The following KCNH7 variants were observed in gnomAD, a reference collection of about 807,000 sequenced individuals.
KCNH7 encodes the protein potassium voltage-gated channel subfamily H member 7, also known as voltage-gated inwardly rectifying potassium channel KCNH7.
A neutral mutation model predicts 120.8 loss-of-function variants in KCNH7; 49 were observed. The ratio of observed to expected loss-of-function variants is 0.41; its 90% CI spans 0.32 to 0.51. The LOEUF (loss-of-function observed/expected upper bound fraction) is 0.51. Ranked by LOEUF, KCNH7 falls within the 20% of genes least tolerant of loss-of-function variation. The probability of loss-of-function intolerance (pLI) is 0.38; values close to 1 mark genes in which losing one functional copy is unlikely to be tolerated. For missense variants in KCNH7, 1,097 were observed against 1,446.6 expected (o/e 0.76, Z 3.92); for synonymous variants, 547 against 516.1 (o/e 1.06, Z -0.81).
At chr2:162,563,499 C>T (rs748826031) in intron 2 of KCNH7, among the ~76,000 whole-genome samples, 1 of 151,896 alleles carries the variant, frequency 6.6e-6, no homozygotes, top group Non-Finnish European at 1.5e-5. Context: ...TATTCTTTTT[C>T]TAGCTTATAA....
intron 2 of KCNH7, among the ~76,000 whole-genome samples, chr2:162,793,180 G>A (rs12692659): frequency 0.54 from 81,894 of 151,666 alleles, 25,355 homozygotes; most frequent in Non-Finnish European, 0.7. Context: ...ATTATCCTTA[G>A]CAAACTAGCA....
chr2:162,394,500 C>G lies in KCNH7; in HGVS notation c.2614-15G>C. 1 of 1,424,724 alleles carries G rather than the reference C, an allele frequency of 7.0e-7. No individual in the cohort carries two copies. Among genetic ancestry groups the G allele is most frequent in the Non-Finnish European group, 9.9e-7 (1 of 1,012,494 alleles). 88.3% of individuals were successfully genotyped at this position (1,424,724 alleles called of 1,614,324 possible). A position where few individuals can be genotyped will look rare whatever the true frequency, so the allele number is the denominator to read the frequency against. ...AGGAGATCAGCCTTTGTTAATGGAA[C>G]ATGAAGATAAAATGAAAGATTACTG... On this transcript the variant is annotated splice_polypyrimidine_tract_variant and intron_variant, in intron 11 of 15. Transcript: ENST00000332142.
At chr2:162,643,804 C>CAAAAAAAAAAAAAAAAAAAAAAA (rs781089376) in intron 2 of KCNH7, among the ~76,000 whole-genome samples, 1 of 90,436 alleles carries the variant, frequency 1.1e-5, no homozygotes, top group Non-Finnish European at 2.1e-5. Context: ...GACTCTATCT[C>CAAAAAAAAAAAAAAAAAAAAAAA]AAAAAAAAAA....
At chr2:162,515,187 T>C (rs138500830) in intron 4 of KCNH7, among the ~76,000 whole-genome samples, 14 of 151,308 alleles carry the variant, frequency 9.3e-5, no homozygotes, top group African/African-American at 3.4e-4. Context: ...TCTAGCATAA[T>C]CTGTAAGAAA....
intron 2 of KCNH7, among the ~76,000 whole-genome samples, chr2:162,598,417 C>T (rs540814105): frequency 1.1e-4 from 16 of 152,038 alleles, no homozygotes; most frequent in South Asian, 2.1e-4. Context: ...TATCTACATT[C>T]ACAAAAAGTC....
At chr2:162,443,101 AT>A (rs1688476877) in intron 7 of KCNH7, among the ~76,000 whole-genome samples, 1 of 152,144 alleles carries the variant, frequency 6.6e-6, no homozygotes. Context: ...TTAAGGCTTT[AT>A]TTTTGACCTG....
At chr2:162,758,026 G>A (rs1272205530) in intron 2 of KCNH7, among the ~76,000 whole-genome samples, 2 of 152,158 alleles carry the variant, frequency 1.3e-5, no homozygotes, top group African/African-American at 4.8e-5. Flanking sequence ...GATTTTATAT[G>A]CAGATATGGT....
intron 9 of KCNH7, among the ~76,000 whole-genome samples, chr2:162,406,652 T>TA (rs929026973): frequency 6.6e-6 from 1 of 152,146 alleles, no homozygotes; most frequent in South Asian, 2.1e-4. Flanking sequence ...AGTAATATAT[T>TA]AAAAACTTAA....
At chr2:162,506,192 C>T (rs1690876379) in intron 5 of KCNH7, among the ~76,000 whole-genome samples, 1 of 151,826 alleles carries the variant, frequency 6.6e-6, no homozygotes, top group South Asian at 2.1e-4. Context: ...CATATGTTCT[C>T]ATTTGCATAT....
intron 2 of KCNH7, among the ~76,000 whole-genome samples, chr2:162,783,323 G>A (rs149955219): frequency 2.0e-5 from 3 of 152,210 alleles, no homozygotes; most frequent in African/African-American, 7.2e-5. Context: ...ACACTCATTA[G>A]TGACTCCCCC....
At chr2:162,462,940 C>T (rs1412531989) in intron 6 of KCNH7, among the ~76,000 whole-genome samples, 2 of 152,008 alleles carry the variant, frequency 1.3e-5, no homozygotes, top group African/African-American at 2.4e-5. Flanking sequence ...ATTTCTCATT[C>T]CTGCTAAATT....
intron 2 of KCNH7, among the ~76,000 whole-genome samples, chr2:162,537,410 C>T (rs568676384): frequency 7.2e-4 from 110 of 152,044 alleles, no homozygotes; most frequent in African/African-American, 2.5e-3. Context: ...ATAATTCTTA[C>T]CATTTTCTTA....
chr2:162,531,575 T>A (rs540090612), intron 3 of KCNH7, among the ~76,000 whole-genome samples: 1 of 152,078 alleles, frequency 6.6e-6, no homozygotes, highest in East Asian at 1.9e-4. Flanking sequence ...GTGGAAAGTA[T>A]AAGAAAATCA....
At chr2:162,607,172 C>T (rs1487799368) in intron 2 of KCNH7, among the ~76,000 whole-genome samples, 4 of 145,386 alleles carry the variant, frequency 2.8e-5, no homozygotes, top group African/African-American at 7.7e-5. Context: ...GTCAGGAGTT[C>T]GAGACCAGCC....
chr2:162,787,663 C>G (rs909726002), intron 2 of KCNH7, among the ~76,000 whole-genome samples: 1 of 152,196 alleles, frequency 6.6e-6, no homozygotes, highest in Non-Finnish European at 1.5e-5. Context: ...GGCAGCAGGC[C>G]TGGCCCAGGA....
chr2:162,461,726 G>A (rs115322986), intron 6 of KCNH7, among the ~76,000 whole-genome samples: 1,574 of 152,232 alleles, frequency 0.01, 25 homozygotes, highest in African/African-American at 0.037. Flanking sequence ...TGGTATTTTA[G>A]GAAACCAACT....
chr2:162,382,608 A>C lies in KCNH7; in HGVS notation c.2962+2080T>G, dbSNP rs189181625. Among the ~76,000 whole-genome samples, 353 of 152,124 alleles carry C rather than the reference A, an allele frequency of 2.3e-3. 2 individuals are homozygous for C. The highest frequency in any genetic ancestry group is 1.9e-3 in the Non-Finnish European group (127 of 67,942). Reference sequence around the variant, plus strand: ...ATTTAATTTGTTCTCTTTTCATTTTAGTTTGGCCTAAATGTGCTCCTCTGT... The same window carrying C: ...ATTTAATTTGTTCTCTTTTCATTTTCGTTTGGCCTAAATGTGCTCCTCTGT... On this transcript the variant is annotated intron_variant, in intron 13 of 15. Transcript: ENST00000332142.
intron 2 of KCNH7, among the ~76,000 whole-genome samples, chr2:162,713,594 T>G (rs1430644949): frequency 6.6e-6 from 1 of 152,162 alleles, no homozygotes; most frequent in Non-Finnish European, 1.5e-5. Context: ...CATAATGGTA[T>G]GCTTGAGGGT....
chr2:162,520,624 C>G (rs1408809407), intron 3 of KCNH7, among the ~76,000 whole-genome samples: 2 of 151,532 alleles, frequency 1.3e-5, no homozygotes, highest in East Asian at 2.0e-4. Flanking sequence ...ACAAAAAAAA[C>G]TAGGTATGGT....
Sources: gnomAD v4.1 joint callset for allele counts (sites outside exome capture counted in the v4.1 genomes callset) on GRCh38, gnomAD v4.1.1 for gene constraint, MANE v1.5 for transcripts, NCBI Gene and HGNC (gene_info 2026-07-23, HGNC 2026-07-21) for gene names.